Variants in C10orf105 observed in about 807,000 individuals in gnomAD.
The protein encoded by C10orf105 is chromosome 10 open reading frame 105, also known as uncharacterized protein C10orf105.
Under a neutral mutation model 0.6 loss-of-function variants are expected in C10orf105, and 2 were observed. The observed-to-expected ratio is 3.18, with a 90% CI of 1.30 to 10.01. C10orf105 has a LOEUF of 10.01. C10orf105 is among the 30% of genes most tolerant of loss of function. The probability of loss-of-function intolerance (pLI) is 0.04; values close to 1 mark genes in which losing one functional copy is unlikely to be tolerated. For synonymous variants in C10orf105, 95 were observed against 82.4 expected (o/e 1.15, Z -0.83); for missense variants, 209 against 191.4 (o/e 1.09, Z -0.54).
At position 71,712,581 on chromosome 10, in the gene C10orf105, G is replaced by T; in HGVS notation, c.*3355C>A. ...GGCGGAACAGGGCACCTCTCTGGCC[G>T]GTGCCCGGGAGTGTGCAAAGTCACA... On this transcript the variant is annotated 3_prime_UTR_variant, in exon 2 of 2. Transcript: ENST00000441508. 1 of 1,519,714 alleles carries T rather than the reference G, an allele frequency of 6.6e-7. No individual in the cohort carries two copies. The allele number at this position is 1,519,714 out of a possible 1,614,324, so 94.1% of individuals were successfully genotyped here. A position where few individuals can be genotyped will look rare whatever the true frequency, so the allele number is the denominator to read the frequency against.
chr10:71,737,562 C>G (rs1030207051), intron 1 of C10orf105, among the ~76,000 whole-genome samples: 2 of 152,228 alleles, frequency 1.3e-5, no homozygotes, highest in Admixed American at 1.3e-4. Flanking sequence ...CCCATGAGTC[C>G]TGTGCAGAGT....
chr10:71,726,191 C>A (rs971880496), intron 1 of C10orf105, among the ~76,000 whole-genome samples: 4 of 152,108 alleles, frequency 2.6e-5, no homozygotes, highest in Non-Finnish European at 5.9e-5. Flanking sequence ...GGCCGCTTCA[C>A]CCCCACCCCT....
chr10:71,734,176 C>A, intron 1 of C10orf105: 2 of 1,351,872 alleles, frequency 1.5e-6, no homozygotes, highest in Non-Finnish European at 1.0e-6. Flanking sequence ...GAAAAGTGGG[C>A]AGAATGACCA....
Position 71,712,634 on chromosome 10 carries a change from G to A in C10orf105, c.*3302C>T. ...AAGTGTGCCCCTCTCTCAGGCAGCTGCTAACACCTGTCTTCCTTCAACTCC... is the reference window on the plus strand; with the variant it reads ...AAGTGTGCCCCTCTCTCAGGCAGCTACTAACACCTGTCTTCCTTCAACTCC... On this transcript the variant is annotated 3_prime_UTR_variant, in exon 2 of 2. Coordinates refer to ENST00000441508, the MANE Select transcript of C10orf105 (RefSeq NM_001164375.3). 6.2e-7 allele frequency: 1 copy of A among 1,610,740 alleles called. No homozygotes were observed. Among genetic ancestry groups the A allele is most frequent in the Non-Finnish European group, 8.5e-7 (1 of 1,177,898 alleles).
chr10:71,727,497 C>T (rs76718869), intron 1 of C10orf105, among the ~76,000 whole-genome samples: 25 of 152,312 alleles, frequency 1.6e-4, no homozygotes, highest in African/African-American at 5.8e-4. Flanking sequence ...TCTGGCTTTC[C>T]GCTGGACTCA....
Position 71,716,147 on chromosome 10 carries a change from A to G in C10orf105, c.191T>C (p.Leu64Pro). The G allele has an allele frequency of 1.3e-6, 2 of 1,550,462 alleles. No individual in the cohort carries two copies. The highest frequency in any genetic ancestry group is 1.7e-6 in the Non-Finnish European group (2 of 1,146,668). The change falls in exon 2 of 2, where the codon CTG (leucine) becomes CCG (proline). Residue 64 changes from leucine to proline, a missense_variant. By Grantham distance (98) the Leu-to-Pro change is moderately conservative (BLOSUM62 -3). Coordinates refer to ENST00000441508, the MANE Select transcript of C10orf105 (RefSeq NM_001164375.3). ...LFMTLCKPAA[L>P]DPSRRRAHEC... ...GTGAGCCCTGCGGCGGCTCGGGTCCAGCGCGGCCGGCTTGCAGAGCGTCAT... is the reference window on the plus strand; with the variant it reads ...GTGAGCCCTGCGGCGGCTCGGGTCCGGCGCGGCCGGCTTGCAGAGCGTCAT...
At position 71,712,556 on chromosome 10, in the gene C10orf105, G is replaced by A; in HGVS notation, c.*3380C>T. 4 of 1,284,764 alleles carry A rather than the reference G, an allele frequency of 3.1e-6. No individual in the cohort carries two copies. The highest frequency in any genetic ancestry group is 4.4e-6 in the Non-Finnish European group (4 of 913,608). 79.6% of individuals were successfully genotyped at this position (1,284,764 alleles called of 1,614,324 possible). On this transcript the variant is annotated 3_prime_UTR_variant, in exon 2 of 2. Coordinates refer to ENST00000441508, the MANE Select transcript of C10orf105 (RefSeq NM_001164375.3). Reference sequence around the variant, plus strand: ...CCCTTGCAAAGGCTAGGGCAGATGGGGCGGAACAGGGCACCTCTCTGGCCG... The same window carrying A: ...CCCTTGCAAAGGCTAGGGCAGATGGAGCGGAACAGGGCACCTCTCTGGCCG...
intron 1 of C10orf105, chr10:71,737,582 C>G (rs1476073423): frequency 4.7e-6 from 2 of 424,858 alleles, no homozygotes; most frequent in South Asian, 1.7e-5. Flanking sequence ...TCAGCAGGAC[C>G]TGGGAGCCCC....
At chr10:71,736,939 G>A (rs1477678161) in intron 1 of C10orf105, among the ~76,000 whole-genome samples, 1 of 152,182 alleles carries the variant, frequency 6.6e-6, no homozygotes, top group Non-Finnish European at 1.5e-5. Context: ...CAGAATGCAT[G>A]AGAGTTAACC....
At chr10:71,736,805 G>C (rs185800223) in intron 1 of C10orf105, among the ~76,000 whole-genome samples, 14 of 152,348 alleles carry the variant, frequency 9.2e-5, no homozygotes, top group Non-Finnish European at 1.0e-4. Context: ...GTACGATACA[G>C]TGAGGGAAAG....
chr10:71,716,522 A>G lies in C10orf105; in HGVS notation c.-5-180T>C, dbSNP rs970194190. 3 of 542,878 alleles carry G rather than the reference A, an allele frequency of 5.5e-6. No individual in the cohort carries two copies. In the East Asian group the frequency reaches 9.7e-5, roughly 18 times the overall value. The allele number at this position is 542,878 out of a possible 1,614,324, so 33.6% of individuals were successfully genotyped here. On this transcript the variant is annotated intron_variant, in intron 1 of 1. Transcript: ENST00000441508. ...AGAGACATCACAAGTCTAAGTGTAC[A>G]CACAGCTGAGCAGTGATGGAGCTGG...
Position 71,715,949 on chromosome 10 carries a change from G to T in C10orf105, c.389C>A (p.Ser130Tyr). 1 of 1,470,138 alleles carries T rather than the reference G, an allele frequency of 6.8e-7. No individual in the cohort carries two copies. The highest frequency in any genetic ancestry group is 1.4e-5 in the South Asian group (1 of 69,982). The allele number at this position is 1,470,138 out of a possible 1,614,324, so 91.1% of individuals were successfully genotyped here. Residue 130 changes from serine (S) to tyrosine (Y), a missense_variant, in exon 2 of 2, where the codon TCT becomes TAT. By Grantham distance (144) the Ser-to-Tyr change is moderately radical. Transcript: ENST00000441508. ...DNRSHCDYME[S>Y]TKM Reference sequence around the variant, plus strand: ...GTGGACACCCCATTACATCTTGGTAGATTCCATGTAGTCACAGTGGCTGCG... The same window carrying T: ...GTGGACACCCCATTACATCTTGGTATATTCCATGTAGTCACAGTGGCTGCG...
intron 1 of C10orf105, among the ~76,000 whole-genome samples, chr10:71,734,956 C>T (rs115660651): frequency 1.1e-3 from 168 of 152,368 alleles, no homozygotes; most frequent in African/African-American, 3.8e-3. Flanking sequence ...CAGCTCCACT[C>T]CTCGATGGCT....
intron 1 of C10orf105, chr10:71,732,260 C>T (rs2132825679): frequency 6.2e-7 from 1 of 1,613,752 alleles, no homozygotes; most frequent in Non-Finnish European, 8.5e-7. Context: ...GCACTGGGTA[C>T]TGAGATTGTG....
chr10:71,725,356 C>T, intron 1 of C10orf105: 2 of 1,613,968 alleles, frequency 1.2e-6, no homozygotes, highest in Non-Finnish European at 1.7e-6. Context: ...TCCAGGGGGT[C>T]TGTCCCTCCA....
In C10orf105 at chr10:71,730,670, C is replaced by T. The variant is rs954592432; in HGVS notation, c.-6+7058G>A. 13 of 1,592,764 alleles carry T rather than the reference C, an allele frequency of 8.2e-6. No individual in the cohort carries two copies. The African/African-American group carries it at 1.5e-4, about 18-fold the overall frequency. On this transcript the variant is annotated intron_variant, in intron 1 of 1. Transcript: ENST00000398786. ...AGCAAACCTCCCCAGCTCACCCAGC[C>T]CCTCCTTCGAAACGGTCATCCCTGA... is the stretch of plus-strand genomic sequence containing the variant.
At chr10:71,729,988 C>T (rs1352372325) in intron 1 of C10orf105, among the ~76,000 whole-genome samples, 3 of 152,060 alleles carry the variant, frequency 2.0e-5, no homozygotes, top group Non-Finnish European at 2.9e-5. Flanking sequence ...GCGCCCGCCA[C>T]CACGCCCGGC....
chr10:71,726,707 T>A (rs1866827707), intron 1 of C10orf105, among the ~76,000 whole-genome samples: 1 of 152,204 alleles, frequency 6.6e-6, no homozygotes, highest in Non-Finnish European at 1.5e-5. Context: ...TACGCCCTCA[T>A]CAGAGCCTGC....
chr10:71,727,351 T>A (rs1866861412), intron 1 of C10orf105, among the ~76,000 whole-genome samples: 1 of 152,156 alleles, frequency 6.6e-6, no homozygotes, highest in African/African-American at 2.4e-5. Flanking sequence ...CACTGCCTCA[T>A]CCCCACAGGG....
Sources: gnomAD v4.1 joint callset for allele counts (sites outside exome capture counted in the v4.1 genomes callset) on GRCh38, gnomAD v4.1.1 for gene constraint, MANE v1.5 for transcripts, NCBI Gene and HGNC (gene_info 2026-07-23, HGNC 2026-07-21) for gene names.